Variants in LSAMP observed in about 807,000 individuals in gnomAD.
LSAMP encodes limbic system associated membrane protein, also known as limbic system-associated membrane protein.
In LSAMP, 7 loss-of-function variants were observed where a neutral mutation model predicts 38.6. That is an observed-to-expected ratio of 0.18 (90% CI 0.10 to 0.34). The LOEUF (loss-of-function observed/expected upper bound fraction) is 0.34, where lower values mean the gene tolerates loss of function less well. Among genes scored for constraint, LSAMP ranks in the 10% least tolerant of loss-of-function variants. The pLI is 1.00. For synonymous variants in LSAMP, 154 were observed against 166.8 expected (o/e 0.92, Z 0.59); for missense variants, 313 against 420.0 (o/e 0.75, Z 2.23).
At chr3:116,047,943 A>G (rs1048324515) in intron 2 of LSAMP, among the ~76,000 whole-genome samples, 2 of 152,176 alleles carry the variant, frequency 1.3e-5, no homozygotes, top group Non-Finnish European at 2.9e-5. Flanking sequence ...ATATACTCTC[A>G]TCGACTATAG....
At position 116,357,665 on chromosome 3, in the gene LSAMP, A is replaced by G. The variant is rs143737277; in HGVS notation, c.155+87212T>C. 6.2e-3 allele frequency among the ~76,000 whole-genome samples: 943 copies of G among 152,318 alleles called. 9 individuals are homozygous for G. The highest frequency in any genetic ancestry group is 0.022 in the African/African-American group (895 of 41,578). On this transcript the variant is annotated intron_variant, in intron 1 of 6. Coordinates refer to ENST00000490035, the MANE Select transcript of LSAMP (RefSeq NM_002338.5). ...AGAGATGATCTAACATGCAAATTGAAAAGTTTATTTTGAGACACATTTTAT... is the reference window on the plus strand; with the variant it reads ...AGAGATGATCTAACATGCAAATTGAGAAGTTTATTTTGAGACACATTTTAT...
intron 3 of LSAMP, among the ~76,000 whole-genome samples, chr3:115,875,959 C>A (rs1006757063): frequency 1.3e-5 from 2 of 152,040 alleles, no homozygotes; most frequent in African/African-American, 4.8e-5. Context: ...TTTATAAAGG[C>A]AAAATTCTCC....
At chr3:116,141,916 G>A (rs982765093) in intron 1 of LSAMP, among the ~76,000 whole-genome samples, 4 of 151,918 alleles carry the variant, frequency 2.6e-5, no homozygotes, top group Admixed American at 6.6e-5. Context: ...AATGCCAAGC[G>A]AGGAAATTGG....
chr3:116,032,535 T>C (rs1940949728), intron 2 of LSAMP, among the ~76,000 whole-genome samples: 1 of 152,130 alleles, frequency 6.6e-6, no homozygotes, highest in Non-Finnish European at 1.5e-5. Flanking sequence ...TGACCAGGCA[T>C]GGTGGCTTAT....
chr3:116,160,683 A>G (rs894661687), intron 1 of LSAMP, among the ~76,000 whole-genome samples: 1 of 152,152 alleles, frequency 6.6e-6, no homozygotes, highest in African/African-American at 2.4e-5. Context: ...ATAAAATAAA[A>G]TAAATTTGGA....
chr3:116,273,989 C>T (rs533236308), intron 1 of LSAMP, among the ~76,000 whole-genome samples: 75 of 151,890 alleles, frequency 4.9e-4, no homozygotes, highest in African/African-American at 1.7e-3. Flanking sequence ...CCACTGCTTC[C>T]TATCTGTTAT....
At chr3:116,232,716 T>TTTTTTTTTTTG (rs1036028089) in intron 1 of LSAMP, among the ~76,000 whole-genome samples, 1 of 146,750 alleles carries the variant, frequency 6.8e-6, no homozygotes, top group Non-Finnish European at 1.5e-5. Context: ...TTTTTTTTTT[T>TTTTTTTTTTTG]CCAGCAGGTA....
intron 3 of LSAMP, among the ~76,000 whole-genome samples, chr3:116,017,128 T>C (rs184415385): frequency 6.6e-6 from 1 of 152,286 alleles, no homozygotes; most frequent in East Asian, 1.9e-4. Context: ...TTATGAGAGT[T>C]AGTTATGACT....
At position 115,808,204 on chromosome 3, in the gene LSAMP, CCT is replaced by C. The variant is rs1559829039; in HGVS notation, c.*2111_*2112del. On this transcript the variant is annotated 3_prime_UTR_variant, in exon 7 of 7. Coordinates refer to ENST00000490035, the MANE Select transcript of LSAMP (RefSeq NM_002338.5). ...TCCTTCCTTCCTTCCTTCCTTCTTT[CCT>C]TTCTTTTTTTCCAGTTACAAAGTTT... 1 of 137,456 alleles carries C rather than the reference CCT, an allele frequency of 7.3e-6. No individual in the cohort carries two copies. Among genetic ancestry groups the C allele is most frequent in the African/African-American group, 2.8e-5 (1 of 36,298 alleles). 8.5% of individuals were successfully genotyped at this position (137,456 alleles called of 1,614,324 possible).
At chr3:116,055,534 G>A (rs989623037) in intron 2 of LSAMP, among the ~76,000 whole-genome samples, 1 of 151,984 alleles carries the variant, frequency 6.6e-6, no homozygotes, top group South Asian at 2.1e-4. Context: ...CCCAGCCTTT[G>A]GAAGACACTG....
At chr3:116,398,466 C>T (rs1038273183) in intron 1 of LSAMP, among the ~76,000 whole-genome samples, 3 of 152,102 alleles carry the variant, frequency 2.0e-5, no homozygotes, top group Admixed American at 6.6e-5. Context: ...ATTTGAATAA[C>T]GTTGACCGAT....
At chr3:115,839,047 T>C (rs1343922286) in intron 6 of LSAMP, among the ~76,000 whole-genome samples, 1 of 152,178 alleles carries the variant, frequency 6.6e-6, no homozygotes, top group African/African-American at 2.4e-5. Context: ...GTCAGGGCCG[T>C]GGCCACAGAC....
intron 2 of LSAMP, among the ~76,000 whole-genome samples, chr3:116,063,990 A>G (rs1451618122): frequency 2.0e-5 from 3 of 152,186 alleles, no homozygotes. Flanking sequence ...TAAACACGAT[A>G]AAGTGGGTGG....
At chr3:116,163,866 T>A (rs1243113513) in intron 1 of LSAMP, among the ~76,000 whole-genome samples, 1 of 151,912 alleles carries the variant, frequency 6.6e-6, no homozygotes, top group Non-Finnish European at 1.5e-5. Context: ...GATTTTTCCT[T>A]AAAAAAACAC....
chr3:116,160,140 C>T (rs1709849499), intron 1 of LSAMP, among the ~76,000 whole-genome samples: 1 of 152,150 alleles, frequency 6.6e-6, no homozygotes, highest in African/African-American at 2.4e-5. Flanking sequence ...TGGCTCACAC[C>T]TGTAATCCCA....
At position 116,025,149 on chromosome 3, in the gene LSAMP, T is replaced by C. The variant is rs150100411; in HGVS notation, c.389-5509A>G. On this transcript the variant is annotated intron_variant, in intron 2 of 6. Transcript: ENST00000490035. The stretch of plus-strand genomic sequence containing the variant: ...TGCAGCATTGTAGTACTCTGTGTAG[T>C]GTTTTCTTTTCTTTCTAGACAATCC... Among the ~76,000 whole-genome samples the C allele has an allele frequency of 8.6e-3, 1,312 of 152,214 alleles. 18 individuals carry two copies. Among genetic ancestry groups the C allele is most frequent in the Middle Eastern group, 0.065 (19 of 292 alleles).
intron 3 of LSAMP, among the ~76,000 whole-genome samples, chr3:116,000,591 T>C (rs1939961770): frequency 6.6e-6 from 1 of 152,142 alleles, no homozygotes. Flanking sequence ...AGCTTATTCA[T>C]TCACTGAGTA....
At chr3:116,100,082 T>TG (rs1014268534) in intron 1 of LSAMP, among the ~76,000 whole-genome samples, 7 of 112,654 alleles carry the variant, frequency 6.2e-5, no homozygotes, top group Non-Finnish European at 1.0e-4. Flanking sequence ...TTATTATTTT[T>TG]GGGGGGGTGG....
chr3:115,899,554 G>A (rs1038213431), intron 3 of LSAMP, among the ~76,000 whole-genome samples: 2 of 151,976 alleles, frequency 1.3e-5, no homozygotes, highest in African/African-American at 4.8e-5. Context: ...CATGTCCTTG[G>A]AACACAATGA....
Sources: gnomAD v4.1 joint callset for allele counts (sites outside exome capture counted in the v4.1 genomes callset) on GRCh38, gnomAD v4.1.1 for gene constraint, MANE v1.5 for transcripts, NCBI Gene and HGNC (gene_info 2026-07-23, HGNC 2026-07-21) for gene names.